The following OPA3 variants were observed in gnomAD, a reference collection of about 807,000 sequenced individuals.
OPA3 encodes optic atrophy 3 protein.
Under a neutral mutation model 4.0 loss-of-function variants are expected in OPA3, and 6 were observed. The ratio of observed to expected loss-of-function variants is 1.51; its 90% confidence interval spans 0.83 to 2.99. The LOEUF is 2.99. Among genes scored for constraint, OPA3 ranks in the 30% most tolerant of loss-of-function variants. The pLI is 0.00. For synonymous variants in OPA3, 105 were observed against 117.1 expected, an observed-to-expected ratio of 0.90 and a Z score of 0.67; for missense variants, 235 against 256.2, an observed-to-expected ratio of 0.92 and a Z score of 0.56.
At chr19:45,555,995 A>G (rs558824359) in intron 1 of OPA3, among the ~76,000 whole-genome samples, 1 of 152,256 alleles carries the variant, frequency 6.6e-6, no homozygotes, top group Admixed American at 6.5e-5. Flanking sequence ...TGCGAACTGC[A>G]ATAAATATGA....
At chr19:45,528,917 A>C (rs1311713832) in exon 2 of OPA3, 2 of 1,040,574 alleles carry the variant, frequency 1.9e-6, no homozygotes, top group East Asian at 4.8e-5. Flanking sequence ...GCTCCAGCCC[A>C]GGATCTCTCC....
At chr19:45,576,541 C>G (rs545631235) in intron 1 of OPA3, among the ~76,000 whole-genome samples, 5 of 124,288 alleles carry the variant, frequency 4.0e-5, no homozygotes, top group Admixed American at 1.6e-4. Context: ...TCCATCCCCC[C>G]CCCCCCAAAA....
chr19:45,584,526 C>T, intron 1 of OPA3, 97 bp downstream of exon 1: 1 of 1,600,542 alleles, frequency 6.2e-7, no homozygotes, highest in Non-Finnish European at 8.5e-7. Context: ...CCGGTTCGGG[C>T]TGTGATTGGT....
At chr19:45,568,109 C>T (rs1369266092) in intron 1 of OPA3, among the ~76,000 whole-genome samples, 1 of 152,164 alleles carries the variant, frequency 6.6e-6, no homozygotes, top group Non-Finnish European at 1.5e-5. Flanking sequence ...AGTGATTCTC[C>T]AGTTTTAGCC....
intron 1 of OPA3, among the ~76,000 whole-genome samples, chr19:45,559,404 T>C (rs1235040696): frequency 5.6e-4 from 73 of 130,474 alleles, no homozygotes; most frequent in African/African-American, 1.9e-3. Context: ...TTTCTTTTTT[T>C]TTTTTTTTTT....
At chr19:45,538,099 TC>T (rs1969142926) in intron 1 of OPA3, among the ~76,000 whole-genome samples, 2 of 32,932 alleles carry the variant, frequency 6.1e-5, no homozygotes, top group Admixed American at 4.1e-4. Context: ...AGGCTCCATA[TC>T]AAAAAAAAAA....
chr19:45,557,468 G>A (rs892718331), intron 1 of OPA3, among the ~76,000 whole-genome samples: 6 of 152,052 alleles, frequency 3.9e-5, no homozygotes, highest in African/African-American at 9.7e-5. Context: ...GACTTGCGGG[G>A]GTCAACACGC....
downstream of OPA3, among the ~76,000 whole-genome samples, chr19:45,542,906 C>T (rs575817583): frequency 3.3e-5 from 5 of 152,240 alleles, no homozygotes; most frequent in South Asian, 8.3e-4. Context: ...CTCCTGACCT[C>T]GCAATCTGCC....
At chr19:45,558,665 C>T (rs1969456149) in intron 1 of OPA3, among the ~76,000 whole-genome samples, 2 of 152,094 alleles carry the variant, frequency 1.3e-5, no homozygotes, top group Non-Finnish European at 2.9e-5. Context: ...GCCCTTTCTC[C>T]GCTCCCCCAT....
In OPA3 at chr19:45,550,713, A is replaced by G. The variant is rs893859723; in HGVS notation, c.*2801T>C. ...CCTCCCAGTTTCCCTCCTGATTTTA[A>G]TAAGCTCTGTACCCATTGTGGAGAT... On this transcript the variant is annotated 3_prime_UTR_variant, in exon 2 of 2. Transcript: ENST00000263275. 2 of 985,880 alleles carry G rather than the reference A, an allele frequency of 2.0e-6. No individual in the cohort carries two copies. Among genetic ancestry groups the G allele is most frequent in the Non-Finnish European group, 2.4e-6 (2 of 830,136 alleles). The allele number at this position is 985,880 out of a possible 1,614,324, so 61.1% of individuals were successfully genotyped here.
chr19:45,551,782 A>G lies in OPA3; in HGVS notation c.*1732T>C, dbSNP rs1969336715. On this transcript the variant is annotated 3_prime_UTR_variant, in exon 2 of 2. Coordinates refer to ENST00000263275, the MANE Select transcript of OPA3 (RefSeq NM_025136.4). ...GGCAGGAGGGTACTGCTACATGAAG[A>G]CAGGCTGTCGGGTCAGTCCAGAGCT... 1 of 985,402 alleles carries G rather than the reference A, an allele frequency of 1.0e-6. No individual in the cohort carries two copies. Among genetic ancestry groups the G allele is most frequent in the African/African-American group, 1.7e-5 (1 of 57,244 alleles). 61.0% of individuals were successfully genotyped at this position (985,402 alleles called of 1,614,324 possible). A position where few individuals can be genotyped will look rare whatever the true frequency, so the allele number is the denominator to read the frequency against.
downstream of OPA3, among the ~76,000 whole-genome samples, chr19:45,542,672 T>TG (rs1238085287): frequency 1.1e-3 from 160 of 144,726 alleles, no homozygotes; most frequent in African/African-American, 3.9e-3. Flanking sequence ...TTTGTTTTTT[T>TG]TTTTTTTTTT....
intron 1 of OPA3, among the ~76,000 whole-genome samples, chr19:45,566,741 TG>T (rs2122478778): frequency 6.6e-6 from 1 of 152,296 alleles, no homozygotes; most frequent in East Asian, 1.9e-4. Flanking sequence ...CCCAAAGTGC[TG>T]GGATTACAGG....
rs2122424101 is a variant in OPA3, at chr19:45,550,148, C to T, written c.*3366G>A. On this transcript the variant is annotated 3_prime_UTR_variant, in exon 2 of 2. Coordinates refer to ENST00000263275, the MANE Select transcript of OPA3 (RefSeq NM_025136.4). ...ACTCCGTCAGGGTGACGGAGCTAGA[C>T]TGTCTCCGAAAGAAAAGAAAAGAAA... The T allele has an allele frequency of 1.1e-6, 1 of 945,646 alleles. No homozygotes were observed. The highest frequency in any genetic ancestry group is 1.2e-4 in the East Asian group (1 of 8,554). 58.6% of individuals were successfully genotyped at this position (945,646 alleles called of 1,614,324 possible). A position where few individuals can be genotyped will look rare whatever the true frequency, so the allele number is the denominator to read the frequency against.
chr19:45,529,404 G>A, exon 2 of OPA3: 1 of 1,614,210 alleles, frequency 6.2e-7, no homozygotes, highest in Non-Finnish European at 8.5e-7. Flanking sequence ...TGATGGCAGC[G>A]GCATTGAAAC....
intron 1 of OPA3, among the ~76,000 whole-genome samples, chr19:45,575,169 C>T (rs921327869): frequency 1.3e-5 from 2 of 152,022 alleles, no homozygotes; most frequent in Admixed American, 6.6e-5. Flanking sequence ...GGCACGATCT[C>T]GGTTCACTGC....
chr19:45,553,305 GGAT>G lies in OPA3; in HGVS notation c.*206_*208del. ...TTTGGAGTGGGGGATAGGAGGTGAA[GGAT>G]GATGGAGGGGGCTATGTTGCAACGC... On this transcript the variant is annotated 3_prime_UTR_variant, in exon 2 of 2. Transcript: ENST00000263275. The G allele has an allele frequency of 6.9e-7, 1 of 1,448,130 alleles. No individual in the cohort carries two copies. The highest frequency in any genetic ancestry group is 1.4e-5 in the African/African-American group (1 of 70,488). 89.7% of individuals were successfully genotyped at this position (1,448,130 alleles called of 1,614,324 possible).
chr19:45,528,888 TA>T, exon 2 of OPA3: 1 of 736,206 alleles, frequency 1.4e-6, no homozygotes, highest in Non-Finnish European at 2.2e-6. Flanking sequence ...CTGGGCAGGT[TA>T]GTAGGGAGGT....
At position 45,553,927 on chromosome 19, in the gene OPA3, G is replaced by C. The variant is rs754047369; in HGVS notation, c.143-16C>G. 1 of 1,595,448 alleles carries C rather than the reference G, an allele frequency of 6.3e-7. No homozygotes were observed. The highest frequency in any genetic ancestry group is 8.6e-7 in the Non-Finnish European group (1 of 1,166,450). On this transcript the variant is annotated splice_polypyrimidine_tract_variant and intron_variant, in intron 1 of 1. Coordinates refer to ENST00000263275, the MANE Select transcript of OPA3 (RefSeq NM_025136.4). The stretch of plus-strand genomic sequence containing the variant: ...CAGTGATACACTGCGGGGGAAGAGA[G>C]GGGTCAGGCTGCGCTCTGGGAGCCC...
Sources: gnomAD v4.1 joint callset for allele counts (sites outside exome capture counted in the v4.1 genomes callset) on GRCh38, gnomAD v4.1.1 for gene constraint, MANE v1.5 for transcripts, NCBI Gene and HGNC (gene_info 2026-07-23, HGNC 2026-07-21) for gene names.